The following RDX variants were observed in gnomAD, a reference collection of about 807,000 sequenced individuals.
RDX encodes the protein deafness, autosomal recessive 24.
A neutral mutation model predicts 83.7 loss-of-function variants in RDX; 32 were observed. That is an observed-to-expected ratio of 0.38 (90% CI 0.29 to 0.51). RDX has a LOEUF of 0.51. Among genes scored for constraint, RDX ranks in the 20% least tolerant of loss-of-function variants. RDX has a pLI of 0.87. For synonymous variants in RDX, 229 were observed against 222.7 expected, an observed-to-expected ratio of 1.03 and a Z score of -0.25; for missense variants, 600 against 689.9, an observed-to-expected ratio of 0.87 and a Z score of 1.46.
At chr11:110,211,107 CAG>C (rs1863818533) in intron 14 of RDX, among the ~76,000 whole-genome samples, 1 of 152,142 alleles carries the variant, frequency 6.6e-6, no homozygotes, top group South Asian at 2.1e-4. Flanking sequence ...AACTCATGTG[CAG>C]AGACACACAT....
chr11:110,218,772 T>C (rs1316914240), intron 14 of RDX, among the ~76,000 whole-genome samples: 1 of 152,132 alleles, frequency 6.6e-6, no homozygotes, highest in East Asian at 1.9e-4. Flanking sequence ...CGATTAAGAG[T>C]AACTCATCCT....
chr11:110,264,846 A>G lies in RDX; in HGVS notation c.125T>C (p.Val42Ala). ...TACATACTGCAGCCCAAAAAACCAG[A>G]CCTCACGCAAACCAACTGTTTTCAC... ...QVVKTVGLRE[V>A]WFFGLQYVDS... Residue 42 changes from valine (V) to alanine (A), a missense_variant, in exon 4 of 14, where the codon GTC (valine) becomes GCC (alanine). By Grantham distance (64) the Val-to-Ala change is moderately conservative. Coordinates refer to ENST00000645495, the MANE Select transcript of RDX (RefSeq NM_002906.4). 6.2e-7 allele frequency: 1 copy of G among 1,613,894 alleles called. No individual in the cohort carries two copies. The highest frequency in any genetic ancestry group is 8.5e-7 in the Non-Finnish European group (1 of 1,179,946).
intron 5 of RDX, among the ~76,000 whole-genome samples, chr11:110,259,714 G>A (rs942105227): frequency 3.3e-5 from 5 of 152,304 alleles, no homozygotes; most frequent in Middle Eastern, 3.4e-3. Flanking sequence ...AGAGAGGCAT[G>A]CAATCAGCCT....
intron 10 of RDX, among the ~76,000 whole-genome samples, chr11:110,243,211 A>C (rs996081775): frequency 2.6e-5 from 4 of 152,220 alleles, no homozygotes; most frequent in African/African-American, 9.6e-5. Flanking sequence ...AAATATTCCA[A>C]AATTTTAAAA....
At chr11:110,254,218 A>G (rs1459408519) in intron 8 of RDX, 109 bp from the exon 9 acceptor site, 1 of 867,946 alleles carries the variant, frequency 1.2e-6, no homozygotes, top group African/African-American at 1.7e-5. Flanking sequence ...CATATTACAT[A>G]TAGTTTAGAA....
intron 2 of RDX, among the ~76,000 whole-genome samples, chr11:110,275,377 A>T (rs1473050125): frequency 1.3e-5 from 2 of 152,202 alleles, no homozygotes; most frequent in African/African-American, 4.8e-5. Flanking sequence ...TTTCAGCCTT[A>T]TAAGACTTTG....
chr11:110,208,862 A>T (rs984392248), intron 14 of RDX, among the ~76,000 whole-genome samples: 5 of 152,204 alleles, frequency 3.3e-5, no homozygotes, highest in Admixed American at 2.0e-4. Context: ...AGGCTGAGGC[A>T]GAAGAATCAT....
intron 1 of RDX, among the ~76,000 whole-genome samples, chr11:110,280,729 A>G (rs1047456694): frequency 6.6e-6 from 1 of 152,186 alleles, no homozygotes; most frequent in Non-Finnish European, 1.5e-5. Flanking sequence ...TTGGGAGGCC[A>G]AGGTGAGAGG....
intron 3 of RDX, among the ~76,000 whole-genome samples, chr11:110,271,299 T>C (rs1860302104): frequency 6.6e-6 from 1 of 152,220 alleles, no homozygotes; most frequent in Non-Finnish European, 1.5e-5. Context: ...CTAGTGTTAC[T>C]TACTGCTGAA....
chr11:110,213,926 A>G (rs1159996522), intron 14 of RDX, among the ~76,000 whole-genome samples: 65 of 96,084 alleles, frequency 6.8e-4, no homozygotes, highest in Middle Eastern at 8.6e-3. Context: ...GGACATAGGC[A>G]TGGGCAAGGA....
intron 10 of RDX, among the ~76,000 whole-genome samples, chr11:110,242,349 G>A (rs183458622): frequency 2.0e-5 from 3 of 151,078 alleles, no homozygotes; most frequent in South Asian, 2.1e-4. Flanking sequence ...CAGGAGAATC[G>A]CTTGAACCCG....
chr11:110,249,430 C>T (rs537278012), intron 9 of RDX, among the ~76,000 whole-genome samples: 6 of 152,196 alleles, frequency 3.9e-5, no homozygotes, highest in Non-Finnish European at 5.9e-5. Context: ...TACCCATTTG[C>T]CCCTAAAACA....
At chr11:110,187,471 A>G (rs997171494) in intron 15 of RDX, among the ~76,000 whole-genome samples, 2 of 152,178 alleles carry the variant, frequency 1.3e-5, no homozygotes, top group South Asian at 4.1e-4. Flanking sequence ...TCCTGAGCAG[A>G]GATCATGGTG....
At chr11:110,208,030 A>T (rs777702800) in intron 14 of RDX, among the ~76,000 whole-genome samples, 1 of 150,940 alleles carries the variant, frequency 6.6e-6, no homozygotes, top group Non-Finnish European at 1.5e-5. Context: ...CATATTGCCC[A>T]GGCTGGTCTC....
chr11:110,233,228 T>A lies in RDX; in HGVS notation c.1587+9A>T. ...TTCAAATGCACATACAACTGCAAAT[T>A]TTAAATACCTGAAGTTGCTTCTTAA... On this transcript the variant is annotated intron_variant, in intron 13 of 13. Coordinates refer to ENST00000645495, the MANE Select transcript of RDX (RefSeq NM_002906.4). 6.2e-7 allele frequency: 1 copy of A among 1,612,444 alleles called. No individual in the cohort carries two copies. The highest frequency in any genetic ancestry group is 2.2e-5 in the East Asian group (1 of 44,872).
chr11:110,242,429 T>C (rs1187358830), intron 10 of RDX, among the ~76,000 whole-genome samples: 2 of 148,822 alleles, frequency 1.3e-5, no homozygotes, highest in Admixed American at 6.7e-5. Flanking sequence ...AGCAAGACTT[T>C]GTCTCAAAAA....
chr11:110,290,033 C>T (rs1298460370), intron 1 of RDX, among the ~76,000 whole-genome samples: 1 of 147,664 alleles, frequency 6.8e-6, no homozygotes, highest in Non-Finnish European at 1.5e-5. Flanking sequence ...ATGTACTCAC[C>T]AGGATTTTTT....
chr11:110,250,994 TG>T (rs1188402318), intron 9 of RDX, among the ~76,000 whole-genome samples: 1 of 152,182 alleles, frequency 6.6e-6, no homozygotes, highest in Non-Finnish European at 1.5e-5. Context: ...AGGACCTCAC[TG>T]GCCCATAGGC....
chr11:110,180,253 GT>G (rs1403281989), intron 15 of RDX, among the ~76,000 whole-genome samples: 8 of 152,102 alleles, frequency 5.3e-5, no homozygotes, highest in African/African-American at 1.9e-4. Flanking sequence ...GAAATTGACT[GT>G]GTAGATCTGC....
Sources: gnomAD v4.1 joint callset for allele counts (sites outside exome capture counted in the v4.1 genomes callset) on GRCh38, gnomAD v4.1.1 for gene constraint, MANE v1.5 for transcripts, NCBI Gene and HGNC (gene_info 2026-07-23, HGNC 2026-07-21) for gene names.